The following GPHN variants were observed in gnomAD, a reference collection of about 807,000 sequenced individuals.
GPHN encodes the protein gephyrin.
In GPHN, 17 loss-of-function variants were observed where a neutral mutation model predicts 95.5. The ratio of observed to expected loss-of-function variants is 0.18; its 90% CI spans 0.12 to 0.27. The LOEUF (loss-of-function observed/expected upper bound fraction) is 0.27. Ranked by LOEUF, GPHN falls within the 10% of genes least tolerant of loss-of-function variation. The pLI, the probability that GPHN is intolerant of heterozygous loss-of-function variation, is 1.00. For missense variants in GPHN, 660 were observed against 978.1 expected, an observed-to-expected ratio of 0.67 and a Z score of 4.34; for synonymous variants, 320 against 322.5, an observed-to-expected ratio of 0.99 and a Z score of 0.08.
intron 10 of GPHN, among the ~76,000 whole-genome samples, chr14:67,053,244 A>T (rs1329121000): frequency 6.6e-6 from 1 of 151,320 alleles, no homozygotes; most frequent in Non-Finnish European, 1.5e-5. Flanking sequence ...GAAAGAGAGA[A>T]GAATCAAATA....
intron 9 of GPHN, among the ~76,000 whole-genome samples, chr14:66,967,663 G>C (rs139331393): frequency 6.6e-6 from 1 of 151,950 alleles, no homozygotes; most frequent in African/African-American, 2.4e-5. Flanking sequence ...TTTTCAGATA[G>C]GGATGCTCAA....
chr14:66,737,777 G>A (rs139489903), intron 2 of GPHN, among the ~76,000 whole-genome samples: 320 of 152,206 alleles, frequency 2.1e-3, no homozygotes, highest in African/African-American at 7.3e-3. Context: ...CCAGCCAACC[G>A]TGTGCTTAAA....
At chr14:67,582,525 T>TA in the GPHN span, among the ~76,000 whole-genome samples, 1 of 152,004 alleles carries the variant, frequency 6.6e-6, no homozygotes. The surrounding 1 kb of genome is among the most constrained non-coding windows in gnomAD (Gnocchi z 5.0). Context: ...TATACCAAAA[T>TA]AAAAAATACT....
chr14:66,793,669 AAAGAGAG>A (rs1481580862), intron 3 of GPHN, among the ~76,000 whole-genome samples: 1 of 152,156 alleles, frequency 6.6e-6, no homozygotes, highest in Non-Finnish European at 1.5e-5. Context: ...AATGGCACAA[AAAGAGAG>A]AAGAGAGAAT....
At chr14:67,438,636 G>A in the GPHN span, among the ~76,000 whole-genome samples, 1 of 152,216 alleles carries the variant, frequency 6.6e-6, no homozygotes, top group South Asian at 2.1e-4. Context: ...CGAGGTGGGT[G>A]GATCACTTGA....
the GPHN span, chr14:67,572,137 G>T: frequency 6.2e-7 from 1 of 1,605,696 alleles, no homozygotes; most frequent in South Asian, 1.1e-5. Context: ...TCGGCAAGGC[G>T]TCTCCATGTC....
At chr14:67,267,953 T>C in the GPHN span, among the ~76,000 whole-genome samples, 6 of 152,254 alleles carry the variant, frequency 3.9e-5, no homozygotes. Context: ...TTATCCATTG[T>C]ATTCTATTTT....
chr14:67,470,396 A>C, the GPHN span: 1 of 152,222 alleles, frequency 6.6e-6, no homozygotes, highest in African/African-American at 2.4e-5. Context: ...GAGCTGCCCA[A>C]CTGGGAGACA....
At chr14:66,669,085 C>T (rs972476402) in intron 1 of GPHN, among the ~76,000 whole-genome samples, 1 of 151,928 alleles carries the variant, frequency 6.6e-6, no homozygotes, top group African/African-American at 2.4e-5. Context: ...TATTTCCAGC[C>T]GGGCATGGTG....
chr14:66,597,475 C>G (rs1183221334), intron 1 of GPHN, among the ~76,000 whole-genome samples: 7 of 152,140 alleles, frequency 4.6e-5, no homozygotes, highest in African/African-American at 1.7e-4. Flanking sequence ...CGTGCACATA[C>G]CCAGCTATGT....
intron 1 of GPHN, among the ~76,000 whole-genome samples, chr14:66,552,109 C>A (rs2059834957): frequency 6.6e-6 from 1 of 152,076 alleles, no homozygotes; most frequent in Admixed American, 6.5e-5. Context: ...TTCATTTTTC[C>A]CCACATCTAC....
At chr14:66,996,689 AT>A (rs1042035480) in intron 9 of GPHN, among the ~76,000 whole-genome samples, 3 of 152,186 alleles carry the variant, frequency 2.0e-5, no homozygotes, top group Non-Finnish European at 4.4e-5. Context: ...TAAATAGAAA[AT>A]AAATATACAT....
chr14:67,374,591 TAATA>T, the GPHN span: 3 of 1,308,596 alleles, frequency 2.3e-6, no homozygotes, highest in Non-Finnish European at 3.2e-6. Context: ...TCTGTGTGTT[TAATA>T]AATAATTTGA....
chr14:66,755,742 A>G (rs1303076594), intron 2 of GPHN, among the ~76,000 whole-genome samples: 1 of 152,098 alleles, frequency 6.6e-6, no homozygotes, highest in Non-Finnish European at 1.5e-5. Flanking sequence ...CCAAATTAGA[A>G]TGCTTTTCTT....
At chr14:67,393,142 A>G in the GPHN span, 2 of 1,592,062 alleles carry the variant, frequency 1.3e-6, no homozygotes, top group Non-Finnish European at 1.7e-6. Context: ...CCTGGGGGAC[A>G]GGCTCACCGA....
intron 1 of GPHN, among the ~76,000 whole-genome samples, chr14:66,675,725 G>A (rs191252817): frequency 6.6e-6 from 1 of 152,156 alleles, no homozygotes; most frequent in Non-Finnish European, 1.5e-5. Flanking sequence ...TTTTCTTGTA[G>A]TTATTTTGTA....
the GPHN span, among the ~76,000 whole-genome samples, chr14:67,658,419 C>A: frequency 6.6e-6 from 1 of 151,884 alleles, no homozygotes; most frequent in Non-Finnish European, 1.5e-5. Context: ...ACGGTGAAAC[C>A]CCGTCTCTAC....
intron 1 of GPHN, among the ~76,000 whole-genome samples, chr14:66,518,983 A>G (rs1300881855): frequency 6.6e-6 from 1 of 152,030 alleles, no homozygotes; most frequent in Non-Finnish European, 1.5e-5. Flanking sequence ...AGGATATTGA[A>G]TGTTCTCAAC....
intron 3 of GPHN, among the ~76,000 whole-genome samples, chr14:66,782,918 C>A (rs911001849): frequency 2.0e-5 from 3 of 152,092 alleles, no homozygotes; most frequent in Admixed American, 2.0e-4. Flanking sequence ...ACCTGGCTAC[C>A]TGGGAACCTC....
Sources: allele counts gnomAD v4.1 joint callset (sites outside exome capture counted in the v4.1 genomes callset), GRCh38; gene constraint gnomAD v4.1.1; non-coding constraint Gnocchi (gnomAD v3.1); transcripts MANE v1.5; gene names NCBI Gene and HGNC (gene_info 2026-07-23, HGNC 2026-07-21).